ADAM20: variants seen among roughly 807,000 people sequenced by gnomAD.
The protein encoded by ADAM20 is ADAM metallopeptidase domain 20, also known as disintegrin and metalloproteinase domain-containing protein 20.
For missense variants in ADAM20, 871 were observed against 883.2 expected (o/e 0.99, Z 0.18); for synonymous variants, 305 against 310.2 (o/e 0.98, Z 0.18).
rs745725604 is a variant in ADAM20 at position 70,531,368 on chromosome 14, A to T, written c.-177+3429T>A. 3.9e-5 allele frequency among the ~76,000 whole-genome samples: 6 copies of T among 152,272 alleles called. No individual in the cohort carries two copies. The South Asian group carries it at 6.2e-4, about 16-fold the overall frequency. On this transcript the variant is annotated intron_variant, in intron 1 of 1. Coordinates refer to ENST00000256389, the MANE Select transcript of ADAM20 (RefSeq NM_003814.5). ...AATACAAGAAAATGGTCTCAACATT[A>T]TACAGGCATGTATGGAAAAGTACAC...
the ADAM20 span, chr14:70,556,974 A>C: frequency 6.6e-6 from 1 of 152,208 alleles, no homozygotes; most frequent in East Asian, 1.9e-4. Context: ...ATGTTGATAT[A>C]TTTTTGGCCA....
chr14:70,540,498 A>G, the ADAM20 span, among the ~76,000 whole-genome samples: 1 of 152,242 alleles, frequency 6.6e-6, no homozygotes, highest in Non-Finnish European at 1.5e-5. Context: ...ATTTGCATTT[A>G]TCGATCAAGC....
chr14:70,555,685 T>C, the ADAM20 span, among the ~76,000 whole-genome samples: 6 of 152,218 alleles, frequency 3.9e-5, no homozygotes, highest in Non-Finnish European at 8.8e-5. Flanking sequence ...TAATTTTCCA[T>C]AGCCTCTTAC....
chr14:70,522,980 C>A lies in ADAM20; in HGVS notation c.1778G>T (p.Gly593Val), dbSNP rs1300002470. The A allele has an allele frequency of 6.2e-6, 10 of 1,613,872 alleles. No homozygotes were observed. The highest frequency in any genetic ancestry group is 1.7e-6 in the Non-Finnish European group (2 of 1,179,952). Residue 593 changes from glycine (G) to valine (V), a missense_variant, in exon 2 of 2, where the codon GGC becomes GTC. By Grantham distance (109) the Gly-to-Val change is moderately radical. Transcript: ENST00000256389. ...QFHLNDTTCW[G>V]TDYHLGMAIP... Reference sequence around the variant, plus strand: ...AGCCATCCCTAAATGATAATCAGTGCCCCAGCAAGTGGTGTCATTGAGGTG... The same window carrying A: ...AGCCATCCCTAAATGATAATCAGTGACCCAGCAAGTGGTGTCATTGAGGTG...
upstream of ADAM20, among the ~76,000 whole-genome samples, chr14:70,535,706 A>C (rs970664848): frequency 2.2e-4 from 34 of 152,182 alleles, no homozygotes; most frequent in African/African-American, 8.2e-4. Context: ...AAAAGTTCCA[A>C]ATCTGAATTG....
the ADAM20 span, among the ~76,000 whole-genome samples, chr14:70,554,889 A>T: frequency 6.6e-6 from 1 of 152,206 alleles, no homozygotes; most frequent in African/African-American, 2.4e-5. Context: ...ATTGAAAATG[A>T]AAGTACACTT....
At chr14:70,570,619 G>A in the ADAM20 span, among the ~76,000 whole-genome samples, 28 of 151,992 alleles carry the variant, frequency 1.8e-4, no homozygotes, top group East Asian at 5.2e-3. Flanking sequence ...TAATTAAATC[G>A]GTAATAAAAA....
upstream of ADAM20, among the ~76,000 whole-genome samples, chr14:70,537,434 G>A (rs1469653590): frequency 1.3e-5 from 2 of 151,968 alleles, no homozygotes; most frequent in Admixed American, 6.5e-5. Context: ...ATCCAACATC[G>A]GCCACTAATT....
intron 1 of ADAM20, among the ~76,000 whole-genome samples, chr14:70,527,071 GCTCA>G (rs938355695): frequency 2.0e-5 from 3 of 152,160 alleles, no homozygotes; most frequent in Admixed American, 6.5e-5. Context: ...ACACTCCCAT[GCTCA>G]CTGAGTCTCA....
the ADAM20 span, among the ~76,000 whole-genome samples, chr14:70,546,082 G>A: frequency 2.6e-5 from 4 of 152,028 alleles, no homozygotes; most frequent in African/African-American, 7.3e-5. Flanking sequence ...GTGGAAATTC[G>A]ACAATAAGCT....
chr14:70,567,368 G>T, the ADAM20 span, among the ~76,000 whole-genome samples: 1 of 152,128 alleles, frequency 6.6e-6, no homozygotes, highest in East Asian at 1.9e-4. Context: ...CACCAGCATG[G>T]GCTACCAACA....
the ADAM20 span, among the ~76,000 whole-genome samples, chr14:70,574,709 T>TA: frequency 1.3e-5 from 2 of 150,720 alleles, no homozygotes; most frequent in Non-Finnish European, 3.0e-5. Context: ...CTCAAGGAAT[T>TA]AGAGAAAAAC....
chr14:70,525,277 A>C (rs762910413), intron 1 of ADAM20, among the ~76,000 whole-genome samples: 2 of 152,172 alleles, frequency 1.3e-5, no homozygotes, highest in Non-Finnish European at 2.9e-5. Context: ...GCAGTGACAC[A>C]ATCACAGCAC....
At chr14:70,525,004 C>A in intron 1 of ADAM20, 71 bp from the exon 2 acceptor site, 1 of 1,304,496 alleles carries the variant, frequency 7.7e-7, no homozygotes, top group South Asian at 1.5e-5. Flanking sequence ...CAAAGTGATT[C>A]CTGCATTTGG....
the ADAM20 span, among the ~76,000 whole-genome samples, chr14:70,574,908 A>G: frequency 6.6e-6 from 1 of 152,012 alleles, no homozygotes; most frequent in Non-Finnish European, 1.5e-5. Flanking sequence ...CCTAGAGGGC[A>G]TTATGCTAAG....
chr14:70,541,205 C>T, the ADAM20 span, among the ~76,000 whole-genome samples: 2,678 of 152,180 alleles, frequency 0.018, 29 homozygotes, highest in Non-Finnish European at 0.03. Context: ...CTGAAGGTCA[C>T]GAAAAATTTT....
chr14:70,546,806 TCAGAG>T, the ADAM20 span, among the ~76,000 whole-genome samples: 3 of 150,992 alleles, frequency 2.0e-5, no homozygotes, highest in Admixed American at 6.6e-5. Flanking sequence ...ATAACAAAGA[TCAGAG>T]CAAAGATAAA....
In ADAM20 at chr14:70,524,934, C is replaced by A; in HGVS notation, c.-176-1G>T. 1 of 1,558,240 alleles carries A rather than the reference C, an allele frequency of 6.4e-7. No individual in the cohort carries two copies. Among genetic ancestry groups the A allele is most frequent in the Non-Finnish European group, 8.7e-7 (1 of 1,153,570 alleles). On this transcript the variant is annotated splice_acceptor_variant, in intron 1 of 1. Transcript: ENST00000256389. LOFTEE classifies it low-confidence loss of function (5UTR_SPLICE). ...AGAGCTGCAGTGCTGAAAATAAAAACTGAAAGAGCCAGGATGGGGTGGGTG... is the reference window on the plus strand; with the variant it reads ...AGAGCTGCAGTGCTGAAAATAAAAAATGAAAGAGCCAGGATGGGGTGGGTG...
the ADAM20 span, among the ~76,000 whole-genome samples, chr14:70,579,039 A>T: frequency 6.6e-6 from 1 of 152,138 alleles, no homozygotes; most frequent in Admixed American, 6.6e-5. Context: ...TTATGGCTGC[A>T]TAGTATTCCA....
Sources: allele counts gnomAD v4.1 joint callset (sites outside exome capture counted in the v4.1 genomes callset), GRCh38; gene constraint gnomAD v4.1.1; transcripts MANE v1.5; gene names NCBI Gene and HGNC (gene_info 2026-07-23, HGNC 2026-07-21).